The following FAM20A variants were observed in gnomAD, a reference collection of about 807,000 sequenced individuals.
The protein encoded by FAM20A is pseudokinase FAM20A.
Under a neutral mutation model 52.0 loss-of-function variants are expected in FAM20A, and 42 were observed. The observed-to-expected ratio is 0.81, with a 90% CI of 0.63 to 1.04. The LOEUF is 1.04. Ranked by LOEUF, FAM20A falls within the 50% of genes least tolerant of loss-of-function variation. The pLI is 0.00. For missense variants in FAM20A, 742 were observed against 712.7 expected (o/e 1.04, Z -0.47); for synonymous variants, 304 against 298.9 (o/e 1.02, Z -0.18).
intron 4 of FAM20A, among the ~76,000 whole-genome samples, chr17:68,545,907 T>C (rs4968808): frequency 0.19 from 28,845 of 152,102 alleles, 2,827 homozygotes; most frequent in South Asian, 0.29. Flanking sequence ...CGGTGGCTCA[T>C]GCCTGTAATC....
chr17:68,566,983 A>G (rs1598044105), intron 1 of FAM20A, among the ~76,000 whole-genome samples: 1 of 152,318 alleles, frequency 6.6e-6, no homozygotes, highest in Admixed American at 6.5e-5. Flanking sequence ...AAATACAACA[A>G]TTCTGAAAGC....
At chr17:68,577,183 G>A (rs1437628871) in intron 1 of FAM20A, among the ~76,000 whole-genome samples, 2 of 152,238 alleles carry the variant, frequency 1.3e-5, no homozygotes, top group East Asian at 1.9e-4. Flanking sequence ...GTCAAGGCTT[G>A]CAGAAGTCCT....
At position 68,600,198 on chromosome 17, in the gene FAM20A, G is replaced by GA; in HGVS notation, c.404+64dup. 6.5e-7 allele frequency: 1 copy of GA among 1,527,652 alleles called. No individual in the cohort carries two copies. Among genetic ancestry groups the GA allele is most frequent in the Non-Finnish European group, 8.8e-7 (1 of 1,135,966 alleles). 94.6% of individuals were successfully genotyped at this position (1,527,652 alleles called of 1,614,324 possible). On this transcript the variant is annotated intron_variant, in intron 1 of 10. Transcript: ENST00000592554. This position sits in a 1 kb window ranked among gnomAD's most constrained non-coding sequence, Gnocchi z 6.2. ...GGGCCGGGGGCGTCAGGAAACTCGA[G>GA]ACTGGGGCGCGGGGAGGCCCCGGCC...
intron 1 of FAM20A, among the ~76,000 whole-genome samples, chr17:68,569,686 T>C (rs1181847316): frequency 2.0e-5 from 3 of 152,222 alleles, no homozygotes; most frequent in Non-Finnish European, 4.4e-5. Flanking sequence ...AACATTTTCA[T>C]CATTGTGAAA....
At chr17:68,551,264 C>T (rs538654332) in intron 4 of FAM20A, 2 of 604,638 alleles carry the variant, frequency 3.3e-6, no homozygotes, top group East Asian at 3.5e-5. Context: ...ACAAAATTTT[C>T]AAGGCATGTA....
intron 1 of FAM20A, among the ~76,000 whole-genome samples, chr17:68,580,282 C>T (rs983482601): frequency 1.3e-5 from 2 of 152,210 alleles, no homozygotes; most frequent in Non-Finnish European, 2.9e-5. Context: ...GGGGGAGACA[C>T]AGAACCTGAT....
chr17:68,552,474 G>A (rs1440826003), intron 3 of FAM20A, among the ~76,000 whole-genome samples: 2 of 152,052 alleles, frequency 1.3e-5, no homozygotes, highest in South Asian at 4.1e-4. Flanking sequence ...GGCTTGGCAA[G>A]TGAGTGCTTC....
chr17:68,539,489 A>G (rs1412738567), intron 9 of FAM20A, 93 bp from the exon 10 acceptor site: 1 of 1,177,980 alleles, frequency 8.5e-7, no homozygotes, highest in African/African-American at 1.5e-5. Context: ...TGTGAATCAG[A>G]GATTGGGGTA....
At chr17:68,556,675 G>C (rs1471815622) in intron 1 of FAM20A, among the ~76,000 whole-genome samples, 1 of 152,112 alleles carries the variant, frequency 6.6e-6, no homozygotes, top group Non-Finnish European at 1.5e-5. Context: ...GATGTATCTG[G>C]GGATGAGAGA....
chr17:68,560,093 T>C (rs1239043829), intron 1 of FAM20A, among the ~76,000 whole-genome samples: 4 of 152,136 alleles, frequency 2.6e-5, no homozygotes. Flanking sequence ...TTAGTGCCCT[T>C]CTAAAAAATA....
chr17:68,561,706 A>T (rs547632847), intron 1 of FAM20A, among the ~76,000 whole-genome samples: 113 of 152,246 alleles, frequency 7.4e-4, no homozygotes, highest in African/African-American at 2.5e-3. Context: ...AAAAGTTTTA[A>T]ACAGGCTTAT....
At chr17:68,559,518 G>A (rs1464560479) in intron 1 of FAM20A, among the ~76,000 whole-genome samples, 3 of 152,164 alleles carry the variant, frequency 2.0e-5, no homozygotes, top group Non-Finnish European at 4.4e-5. Flanking sequence ...ATGATCTTCA[G>A]GGGAGAAGTA....
chr17:68,539,864 AAC>A lies in FAM20A; in HGVS notation c.1301+19_1301+20del, dbSNP rs1419185713. 6.2e-7 allele frequency: 1 copy of A among 1,612,192 alleles called. No individual in the cohort carries two copies. The highest frequency in any genetic ancestry group is 8.5e-7 in the Non-Finnish European group (1 of 1,178,530). On this transcript the variant is annotated intron_variant, in intron 9 of 10. Coordinates refer to ENST00000592554, the MANE Select transcript of FAM20A (RefSeq NM_017565.4). ...GCACATCTGGGAGAGGGGATTGTTG[AAC>A]ACACGTGGGGAAGCTCACCCTCTGG...
intron 7 of FAM20A, chr17:68,541,370 A>G (rs1393420904): frequency 4.3e-6 from 1 of 233,864 alleles, no homozygotes; most frequent in African/African-American, 2.3e-5. Flanking sequence ...TTCTGCCTAC[A>G]ATGCTCCGAT....
chr17:68,557,086 G>A (rs187302924), intron 1 of FAM20A, among the ~76,000 whole-genome samples: 467 of 152,152 alleles, frequency 3.1e-3, no homozygotes, highest in Middle Eastern at 0.017. Context: ...TGTAATCCCA[G>A]CTACTTGAGA....
chr17:68,536,894 T>G lies in FAM20A; in HGVS notation c.*583A>C, dbSNP rs1398813686. The G allele has an allele frequency of 4.4e-6, 2 of 454,204 alleles. No individual in the cohort carries two copies. Among genetic ancestry groups the G allele is most frequent in the South Asian group, 3.1e-5 (2 of 64,478 alleles). 28.1% of individuals were successfully genotyped at this position (454,204 alleles called of 1,614,324 possible). ...TTTTTGCCACTTGTTATAATATCTC[T>G]AAGAAGTTACTCCAGGACCGGGCAG... On this transcript the variant is annotated 3_prime_UTR_variant, in exon 11 of 11. Coordinates refer to ENST00000592554, the MANE Select transcript of FAM20A (RefSeq NM_017565.4).
intron 1 of FAM20A, among the ~76,000 whole-genome samples, chr17:68,586,279 T>C (rs1022159359): frequency 4.6e-5 from 7 of 152,186 alleles, no homozygotes; most frequent in Admixed American, 4.6e-4. Context: ...TAATCTTTTA[T>C]CTAAAAGATT....
intron 1 of FAM20A, chr17:68,575,178 C>T (rs2087692051): frequency 6.6e-6 from 1 of 151,660 alleles, no homozygotes; most frequent in South Asian, 2.1e-4. Flanking sequence ...TTCTGGCCTC[C>T]AGAAATGTAA....
intron 1 of FAM20A, among the ~76,000 whole-genome samples, chr17:68,575,760 T>A (rs866438287): frequency 8.4e-6 from 1 of 119,474 alleles, no homozygotes; most frequent in Non-Finnish European, 1.7e-5. Flanking sequence ...TATATATATT[T>A]TATATTTTAT....
Sources: allele counts gnomAD v4.1 joint callset (sites outside exome capture counted in the v4.1 genomes callset), GRCh38; gene constraint gnomAD v4.1.1; non-coding constraint Gnocchi (gnomAD v3.1); transcripts MANE v1.5; gene names NCBI Gene and HGNC (gene_info 2026-07-23, HGNC 2026-07-21).